ABI3: variants seen among roughly 807,000 people sequenced by gnomAD.
ABI3 encodes ABI family member 3.
ABI3 carries 24 observed loss-of-function variants against 37.0 expected under a neutral mutation model. The ratio of observed to expected loss-of-function variants is 0.65; its 90% confidence interval spans 0.47 to 0.91. The LOEUF is 0.91. Among genes scored for constraint, ABI3 ranks in the 40% least tolerant of loss-of-function variants. The pLI is 0.00. For missense variants in ABI3, 481 were observed against 485.1 expected, an observed-to-expected ratio of 0.99 and a Z score of 0.08; for synonymous variants, 220 against 211.8, an observed-to-expected ratio of 1.04 and a Z score of -0.34.
Position 49,223,167 on chromosome 17 carries a change from C to T in ABI3, c.*452C>T, listed in dbSNP as rs1274022494. 2.5e-6 allele frequency: 1 copy of T among 405,546 alleles called. No individual in the cohort carries two copies. Among genetic ancestry groups the T allele is most frequent in the Non-Finnish European group, 4.3e-6 (1 of 230,564 alleles). The allele number at this position is 405,546 out of a possible 1,614,324, so 25.1% of individuals were successfully genotyped here. ...CTCAGTACCCACAAAGTGCAGCCCA[C>T]ATTGGACCCCAGACACCCCTCTGCA... is the stretch of plus-strand genomic sequence containing the variant. On this transcript the variant is annotated 3_prime_UTR_variant, in exon 8 of 8. Coordinates refer to ENST00000225941, the MANE Select transcript of ABI3 (RefSeq NM_016428.3).
Position 49,216,538 on chromosome 17 carries a change from A to G in ABI3, c.125A>G (p.Asp42Gly). Residue 42 changes from aspartate (D) to glycine (G), a missense_variant, in exon 2 of 8, where the codon GAC becomes GGC. Transcript: ENST00000225941. Reference protein sequence around the residue: ...YCEDNYVQATDKRKALEETMA... With the variant: ...YCEDNYVQATGKRKALEETMA... ...GGGCTGTGTGTATTTCAGGCCACAG[A>G]CAAGCGGAAGGCGCTGGAGGAGACC... 6.3e-7 allele frequency: 1 copy of G among 1,579,882 alleles called. No individual in the cohort carries two copies. Among genetic ancestry groups the G allele is most frequent in the Non-Finnish European group, 8.6e-7 (1 of 1,162,664 alleles).
intron 3 of ABI3, among the ~76,000 whole-genome samples, chr17:49,218,770 A>ATTTTTTT (rs71144583): frequency 4.6e-4 from 60 of 131,770 alleles, no homozygotes; most frequent in African/African-American, 1.3e-3. Context: ...TGCCCGGCTA[A>ATTTTTTT]TTTTTTTTTT....
chr17:49,222,554 G>A lies in ABI3; in HGVS notation c.940G>A (p.Val314Met). Residue 314 changes from valine to methionine, a missense_variant and splice_region_variant, in exon 8 of 8, where the codon GTG becomes ATG. Physicochemically the swap from Val to Met is conservative, Grantham distance 21. Transcript: ENST00000225941. ...WVPASYLEKVVTLYPYTSQKD... is the reference protein window; with the variant it reads ...WVPASYLEKVMTLYPYTSQKD... The stretch of plus-strand genomic sequence containing the variant: ...CACCCTCTTCTCTTGCCCTGCAGTG[G>A]TGACACTGTACCCATACACCAGCCA... 1 of 1,613,832 alleles carries A rather than the reference G, an allele frequency of 6.2e-7. No individual in the cohort carries two copies. Among genetic ancestry groups the A allele is most frequent in the Non-Finnish European group, 8.5e-7 (1 of 1,179,968 alleles).
intron 3 of ABI3, 54 bp downstream of exon 3, chr17:49,217,969 GC>G: frequency 6.9e-7 from 1 of 1,457,760 alleles, no homozygotes; most frequent in Non-Finnish European, 9.1e-7. Context: ...GTGCCTTGTG[GC>G]CCCTTTCCCT....
Position 49,219,938 on chromosome 17 carries a change from C to G in ABI3, c.629C>G (p.Ser210Cys). The change falls in exon 5 of 8, where the codon TCC becomes TGC. Residue 210 changes from serine to cysteine, a missense_variant. Transcript: ENST00000225941. This position sits in a 1 kb window ranked among gnomAD's most constrained non-coding sequence, Gnocchi z 4.3. The part of the protein sequence containing the change: ...GRLSAASSAF[S>C]LASAGSAEGV... Reference sequence around the variant, plus strand: ...CTCTCCGCCGCCTCCTCTGCGTTTTCCCTGGCCTCGGCCGGGTGAGACCTA... The same window carrying G: ...CTCTCCGCCGCCTCCTCTGCGTTTTGCCTGGCCTCGGCCGGGTGAGACCTA... 1.9e-6 allele frequency: 3 copies of G among 1,548,730 alleles called. No individual in the cohort carries two copies. In the South Asian group the frequency reaches 3.5e-5, roughly 18 times the overall value.
Position 49,210,857 on chromosome 17 carries a change from G to A in ABI3, c.117+16G>A, listed in dbSNP as rs776306185. On this transcript the variant is annotated intron_variant, in intron 1 of 7. Coordinates refer to ENST00000225941, the MANE Select transcript of ABI3 (RefSeq NM_016428.3). This position sits in a 1 kb window ranked among gnomAD's most constrained non-coding sequence, Gnocchi z 4.2. ...CTATGTGCAGGTAGGTAGAGCGGGCGGAAGCCTGACACCCCAGCCCCCGGA... is the reference window on the plus strand; with the variant it reads ...CTATGTGCAGGTAGGTAGAGCGGGCAGAAGCCTGACACCCCAGCCCCCGGA... The A allele has an allele frequency of 5.8e-6, 9 of 1,540,276 alleles. No individual in the cohort carries two copies. The highest frequency in any genetic ancestry group is 7.9e-6 in the Non-Finnish European group (9 of 1,137,152).
chr17:49,220,614 G>A (rs558367014), intron 6 of ABI3, among the ~76,000 whole-genome samples: 11 of 152,170 alleles, frequency 7.2e-5, no homozygotes, highest in Non-Finnish European at 1.0e-4. Flanking sequence ...GGTGGCCGAG[G>A]CGCGCGGATC....
intron 2 of ABI3, 151 bp from the exon 3 acceptor site, chr17:49,217,588 T>TGGTGGGG (rs2043232752): frequency 5.0e-6 from 3 of 602,694 alleles, no homozygotes; most frequent in African/African-American, 5.5e-5. Flanking sequence ...CTATGTAGCC[T>TGGTGGGG]GGTGGGGGGC....
chr17:49,216,512 A>G lies in ABI3; in HGVS notation c.118-19A>G. The stretch of plus-strand genomic sequence containing the variant: ...AGTGGAAGATGCTGGCCCTTAGGCC[A>G]GGGCTGTGTGTATTTCAGGCCACAG... On this transcript the variant is annotated intron_variant, in intron 1 of 7. Transcript: ENST00000225941. 2 of 1,540,408 alleles carry G rather than the reference A, an allele frequency of 1.3e-6. No individual in the cohort carries two copies. Among genetic ancestry groups the G allele is most frequent in the South Asian group, 1.2e-5 (1 of 80,364 alleles).
intron 1 of ABI3, among the ~76,000 whole-genome samples, chr17:49,211,149 C>G (rs1490845398): frequency 6.6e-6 from 1 of 152,222 alleles, no homozygotes; most frequent in Non-Finnish European, 1.5e-5. Flanking sequence ...ACGGGTCAAT[C>G]CAGAGACCCA....
In ABI3 at chr17:49,222,645, G is replaced by C; in HGVS notation, c.1031G>C (p.Gly344Ala). The C allele has an allele frequency of 6.2e-7, 1 of 1,613,390 alleles. No homozygotes were observed. Residue 344 changes from glycine (G) to alanine (A), a missense_variant, in exon 8 of 8, where the codon GGC becomes GCC. Gly to Ala is a moderately conservative substitution (Grantham distance 60). Coordinates refer to ENST00000225941, the MANE Select transcript of ABI3 (RefSeq NM_016428.3). ...TGTGTCACTCGCCGCTACTCCGATG[G>C]CTGGTGCGAGGGCGTCAGCTCAGAG... ...VICVTRRYSD[G>A]WCEGVSSEGT...
Position 49,210,721 on chromosome 17 carries a change from G to T in ABI3, c.-4G>T. On this transcript the variant is annotated 5_prime_UTR_variant, in exon 1 of 8. Transcript: ENST00000225941. The surrounding 1 kb of genome is among the most constrained non-coding windows in gnomAD (Gnocchi z 4.2). Reference sequence around the variant, plus strand: ...CCTGGGGAGCCAGACAGAGGCTGGGGGTGATGGCGGAGCTACAGCAGCTGC... The same window carrying T: ...CCTGGGGAGCCAGACAGAGGCTGGGTGTGATGGCGGAGCTACAGCAGCTGC... 6.4e-7 allele frequency: 1 copy of T among 1,555,980 alleles called. No homozygotes were observed. The highest frequency in any genetic ancestry group is 1.2e-5 in the South Asian group (1 of 84,470).
intron 3 of ABI3, 114 bp downstream of exon 3, chr17:49,218,029 T>G: frequency 9.1e-7 from 1 of 1,103,830 alleles, no homozygotes; most frequent in Non-Finnish European, 1.3e-6. Context: ...ACTCCTTTCT[T>G]TCCCCGCTCC....
intron 1 of ABI3, among the ~76,000 whole-genome samples, chr17:49,212,909 C>A (rs956336528): frequency 1.6e-4 from 24 of 152,330 alleles, no homozygotes; most frequent in Admixed American, 7.2e-4. Flanking sequence ...GGACAAGGAT[C>A]CAAGCAGTCC....
intron 2 of ABI3, among the ~76,000 whole-genome samples, 175 bp downstream of exon 2, chr17:49,216,873 T>A (rs539050010): frequency 6.6e-6 from 1 of 152,222 alleles, no homozygotes; most frequent in East Asian, 1.9e-4. Context: ...TCTCTGTGGC[T>A]ACGCTACAAA....
In ABI3 at chr17:49,222,710, TGCTG is replaced by T; in HGVS notation, c.1097_1100del (p.Cys366TyrfsTer102). ...CCCTGGGAACTATGTGGAGCCCAGC[TGCTG>T]ACAGCCCAGGGCTCTCTGGGCAGCT... On this transcript the variant is annotated frameshift_variant and stop_lost, in exon 8 of 8. Coordinates refer to ENST00000225941, the MANE Select transcript of ABI3 (RefSeq NM_016428.3). LOFTEE classifies it high-confidence loss of function. The T allele has an allele frequency of 6.4e-7, 1 of 1,566,234 alleles. No individual in the cohort carries two copies. Among genetic ancestry groups the T allele is most frequent in the Non-Finnish European group, 8.7e-7 (1 of 1,155,966 alleles).
Position 49,219,456 on chromosome 17 carries a change from C to T in ABI3, c.463-84C>T. The stretch of plus-strand genomic sequence containing the variant: ...GGCTCTCCCTCCCGGTTCCCGTCCG[C>T]CCCTCCTCCATTTCCTCTTGGGGAT... On this transcript the variant is annotated intron_variant, in intron 3 of 7. Coordinates refer to ENST00000225941, the MANE Select transcript of ABI3 (RefSeq NM_016428.3). This position sits in a 1 kb window ranked among gnomAD's most constrained non-coding sequence, Gnocchi z 4.3. The T allele has an allele frequency of 8.0e-7, 1 of 1,243,508 alleles. No homozygotes were observed. The highest frequency in any genetic ancestry group is 1.4e-5 in the South Asian group (1 of 71,784). The allele number at this position is 1,243,508 out of a possible 1,614,324, so 77.0% of individuals were successfully genotyped here.
rs142527437 is a variant in ABI3 at position 49,217,800 on chromosome 17, A to G, written c.347A>G (p.Gln116Arg). Residue 116 changes from glutamine (Q) to arginine (R), a missense_variant, in exon 3 of 8, where the codon CAG becomes CGG. Physicochemically the swap from Gln to Arg is conservative, Grantham distance 43. Transcript: ENST00000225941. ...RREIGTLATVQRLPPGQKVIA... is the reference protein window; with the variant it reads ...RREIGTLATVRRLPPGQKVIA... ...GAGATCGGCACCTTAGCCACTGTCC[A>G]GCGGCTGCCCCCCGGCCAGAAGGTC... The G allele has an allele frequency of 1.4e-3, 2,189 of 1,611,608 alleles. 3 individuals are homozygous for G. Among genetic ancestry groups the G allele is most frequent in the South Asian group, 2.0e-3 (182 of 90,614 alleles).
In ABI3 at chr17:49,219,894, G is replaced by C. The variant is rs755161200; in HGVS notation, c.585G>C (p.Pro195=). 18 of 1,553,748 alleles carry C rather than the reference G, an allele frequency of 1.2e-5. No individual in the cohort carries two copies. Among genetic ancestry groups the C allele is most frequent in the Non-Finnish European group, 1.5e-5 (17 of 1,155,024 alleles). ...GGATTCCCGAGCCAGTGCACCTGCC[G>C]GTGGTGCCCGACGGCAGACTCTCCG... ...PPRIPEPVHL[P]VVPDGRLSAA... is the part of the protein sequence containing the mutation. Residue 195 remains proline (P), a synonymous_variant, in exon 5 of 8, where the codon CCG becomes CCC. Transcript: ENST00000225941. The surrounding 1 kb of genome is among the most constrained non-coding windows in gnomAD (Gnocchi z 4.3).
Sources: allele counts gnomAD v4.1 joint callset (sites outside exome capture counted in the v4.1 genomes callset), GRCh38; gene constraint gnomAD v4.1.1; non-coding constraint Gnocchi (gnomAD v3.1); transcripts MANE v1.5; gene names NCBI Gene and HGNC (gene_info 2026-07-23, HGNC 2026-07-21).